UBE2W: variants seen among roughly 807,000 people sequenced by gnomAD.
The protein encoded by UBE2W is ubiquitin conjugating enzyme E2 W, also known as ubiquitin-conjugating enzyme E2 W.
In UBE2W, 18 loss-of-function variants were observed where a neutral mutation model predicts 27.2. That is an observed-to-expected ratio of 0.66 (90% CI 0.46 to 0.98). The LOEUF is 0.98. Ranked by LOEUF, UBE2W falls within the 50% of genes least tolerant of loss-of-function variation. The probability of loss-of-function intolerance (pLI) is 0.00; values close to 1 mark genes in which losing one functional copy is unlikely to be tolerated. For synonymous variants in UBE2W, 53 were observed against 57.2 expected, an observed-to-expected ratio of 0.93 and a Z score of 0.33; for missense variants, 90 against 180.2, an observed-to-expected ratio of 0.50 and a Z score of 2.87.
intron 2 of UBE2W, 34 bp from the exon 3 acceptor site, chr8:73,825,283 TAA>T: frequency 6.9e-7 from 1 of 1,453,342 alleles, no homozygotes; most frequent in Non-Finnish European, 9.4e-7. Context: ...AAACTTAAGA[TAA>T]TAGAGACTGG....
chr8:73,872,947 G>A (rs1364282645), intron 1 of UBE2W, among the ~76,000 whole-genome samples: 2 of 149,404 alleles, frequency 1.3e-5, no homozygotes, highest in Admixed American at 6.7e-5. Flanking sequence ...TGTCGCCCAG[G>A]CTGGAGTCCA....
At chr8:73,838,572 T>C (rs1387181172) in intron 1 of UBE2W, among the ~76,000 whole-genome samples, 2 of 152,170 alleles carry the variant, frequency 1.3e-5, no homozygotes, top group African/African-American at 2.4e-5. Flanking sequence ...AGACCACGTC[T>C]CTAGGGAAAG....
intron 5 of UBE2W, 124 bp from the exon 6 acceptor site, chr8:73,794,239 C>A: frequency 8.3e-7 from 1 of 1,198,090 alleles, no homozygotes; most frequent in South Asian, 1.5e-5. Flanking sequence ...GTCTGATCTG[C>A]CTCCCCCAAA....
chr8:73,865,690 A>G (rs1487261339), intron 1 of UBE2W, among the ~76,000 whole-genome samples: 2 of 152,168 alleles, frequency 1.3e-5, no homozygotes, highest in Non-Finnish European at 2.9e-5. Flanking sequence ...GAATGTAACA[A>G]GTTTTCTTTT....
rs187235289 is a variant in UBE2W, at chr8:73,829,250, A to G, written c.107+1131T>C. On this transcript the variant is annotated intron_variant, in intron 2 of 5. Coordinates refer to ENST00000602593, the MANE Select transcript of UBE2W (RefSeq NM_018299.6). ...TGTGGTTTCCCCATCCTCCCAAAAA[A>G]ATAAACGATGAAAGAAGAAGTAATC... Among the ~76,000 whole-genome samples the G allele has an allele frequency of 2.4e-4, 37 of 152,276 alleles. 1 individual carries two copies. The highest frequency in any genetic ancestry group is 8.7e-4 in the African/African-American group (36 of 41,576).
chr8:73,835,306 A>C (rs1406900111), intron 1 of UBE2W, among the ~76,000 whole-genome samples: 1 of 152,092 alleles, frequency 6.6e-6, no homozygotes, highest in Non-Finnish European at 1.5e-5. Flanking sequence ...ATGATAGCCA[A>C]CTTTCAAGAT....
rs1808151455 is a variant in UBE2W at position 73,790,642 on chromosome 8, T to A, written c.*3460A>T. The A allele has an allele frequency of 2.0e-6, 2 of 984,424 alleles. No homozygotes were observed. Among genetic ancestry groups the A allele is most frequent in the Non-Finnish European group, 2.4e-6 (2 of 829,020 alleles). 61.0% of individuals were successfully genotyped at this position (984,424 alleles called of 1,614,324 possible). A position where few individuals can be genotyped will look rare whatever the true frequency, so the allele number is the denominator to read the frequency against. On this transcript the variant is annotated 3_prime_UTR_variant, in exon 6 of 6. Transcript: ENST00000602593. The stretch of plus-strand genomic sequence containing the variant: ...ACACTGAATTCTTTATTTAAAAAAA[T>A]TTTTGTAACACACAGTACCTCCTCT...
chr8:73,873,382 G>A lies in UBE2W; in HGVS notation c.15+5426C>T, dbSNP rs189763035. On this transcript the variant is annotated intron_variant, in intron 1 of 5. Transcript: ENST00000602593. ...CTTGAGCAAAGAGCAGTGGGCTGGG[G>A]GCAATGGCTCATCCTGTAATAATCC... 2.0e-5 allele frequency among the ~76,000 whole-genome samples: 3 copies of A among 152,270 alleles called. No individual in the cohort carries two copies. The East Asian group carries it at 5.8e-4, about 29-fold the overall frequency.
At chr8:73,854,734 G>A (rs1240483905) in intron 1 of UBE2W, among the ~76,000 whole-genome samples, 1 of 152,090 alleles carries the variant, frequency 6.6e-6, no homozygotes, top group African/African-American at 2.4e-5. Flanking sequence ...GAGAGTTGGG[G>A]AACCAAGCCC....
rs1808288716 is a variant in UBE2W at position 73,793,606 on chromosome 8, G to T, written c.*496C>A. The T allele has an allele frequency of 2.0e-6, 2 of 986,104 alleles. No individual in the cohort carries two copies. Among genetic ancestry groups the T allele is most frequent in the Middle Eastern group, 5.2e-4 (1 of 1,914 alleles). The allele number at this position is 986,104 out of a possible 1,614,324, so 61.1% of individuals were successfully genotyped here. On this transcript the variant is annotated 3_prime_UTR_variant, in exon 6 of 6. Transcript: ENST00000602593. ...ATAGAATCCAAATATAAACAGTTGG[G>T]GTGACTTTTAAAGTAATGTTGGATC...
chr8:73,791,267 G>GAAAAAAAAAAAAAA lies in UBE2W; in HGVS notation c.*2821_*2834dup, dbSNP rs1267971469. 1 of 446,446 alleles carries GAAAAAAAAAAAAAA rather than the reference G, an allele frequency of 2.2e-6. No homozygotes were observed. Among genetic ancestry groups the GAAAAAAAAAAAAAA allele is most frequent in the Admixed American group, 1.2e-4 (1 of 8,010 alleles). The allele number at this position is 446,446 out of a possible 1,614,324, so 27.7% of individuals were successfully genotyped here. On this transcript the variant is annotated 3_prime_UTR_variant, in exon 6 of 6. Coordinates refer to ENST00000602593, the MANE Select transcript of UBE2W (RefSeq NM_018299.6). ...TGGCATTAATCCCTACTTGACCAAA[G>GAAAAAAAAAAAAAA]AAAAAAAAAAAAAAGAAGGGCATCA...
Position 73,791,194 on chromosome 8 carries a change from T to C in UBE2W, c.*2908A>G, listed in dbSNP as rs1030910446. 6 of 983,756 alleles carry C rather than the reference T, an allele frequency of 6.1e-6. No homozygotes were observed. The highest frequency in any genetic ancestry group is 7.2e-6 in the Non-Finnish European group (6 of 828,926). The allele number at this position is 983,756 out of a possible 1,614,324, so 60.9% of individuals were successfully genotyped here. Reference sequence around the variant, plus strand: ...CTTAAGAGAACCATAAAATGTATTTTTAAAAAATTCTCTTAAAAACTGAAA... The same window carrying C: ...CTTAAGAGAACCATAAAATGTATTTCTAAAAAATTCTCTTAAAAACTGAAA... On this transcript the variant is annotated 3_prime_UTR_variant, in exon 6 of 6. Coordinates refer to ENST00000602593, the MANE Select transcript of UBE2W (RefSeq NM_018299.6).
chr8:73,875,879 G>A (rs1289903895), intron 1 of UBE2W, among the ~76,000 whole-genome samples: 2 of 151,956 alleles, frequency 1.3e-5, no homozygotes, highest in African/African-American at 2.4e-5. Flanking sequence ...GCAAAACCCA[G>A]TCTCCACTAA....
intron 1 of UBE2W, chr8:73,831,201 G>A (rs1281491341): frequency 1.4e-5 from 6 of 440,056 alleles, no homozygotes; most frequent in South Asian, 2.2e-5. Flanking sequence ...GGCTTTCCTG[G>A]AGAATCTGCT....
intron 3 of UBE2W, among the ~76,000 whole-genome samples, chr8:73,812,894 A>G (rs939029784): frequency 2.5e-4 from 38 of 151,536 alleles, no homozygotes; most frequent in Non-Finnish European, 1.2e-4. Flanking sequence ...CATTCCAGCT[A>G]TTTGGGAGGC....
intron 1 of UBE2W, among the ~76,000 whole-genome samples, chr8:73,871,753 A>G (rs1812015875): frequency 6.6e-6 from 1 of 152,234 alleles, no homozygotes; most frequent in Non-Finnish European, 1.5e-5. Flanking sequence ...ACAAATGCTT[A>G]ATTTAGGTAA....
chr8:73,816,256 T>A (rs1344502375), intron 3 of UBE2W, among the ~76,000 whole-genome samples: 4 of 152,226 alleles, frequency 2.6e-5, no homozygotes, highest in African/African-American at 9.6e-5. Flanking sequence ...ACTAGTCTAA[T>A]CCTCTATCTT....
intron 1 of UBE2W, among the ~76,000 whole-genome samples, chr8:73,849,898 T>C (rs2130946859): frequency 6.6e-6 from 1 of 152,160 alleles, no homozygotes; most frequent in South Asian, 2.1e-4. Flanking sequence ...GTGAAACAAA[T>C]GTTAAGGCCA....
chr8:73,870,002 G>C (rs1811935944), intron 1 of UBE2W, among the ~76,000 whole-genome samples: 1 of 152,216 alleles, frequency 6.6e-6, no homozygotes, highest in South Asian at 2.1e-4. Context: ...ACTGGGGAAA[G>C]GGGGAAATAG....
Sources: allele counts gnomAD v4.1 joint callset (sites outside exome capture counted in the v4.1 genomes callset), GRCh38; gene constraint gnomAD v4.1.1; transcripts MANE v1.5; gene names NCBI Gene and HGNC (gene_info 2026-07-23, HGNC 2026-07-21).